The following NAXD variants were observed in gnomAD, a reference collection of about 807,000 sequenced individuals.
NAXD encodes the protein NAD(P)HX dehydratase, also known as ATP-dependent (S)-NAD(P)H-hydrate dehydratase.
In NAXD, 22 loss-of-function variants were observed where a neutral mutation model predicts 35.8. The ratio of observed to expected loss-of-function variants is 0.62; its 90% CI spans 0.44 to 0.88. The LOEUF is 0.88. Ranked by LOEUF, NAXD falls within the 40% of genes least tolerant of loss-of-function variation. The pLI is 0.00. For synonymous variants in NAXD, 189 were observed against 177.6 expected, an observed-to-expected ratio of 1.06 and a Z score of -0.51; for missense variants, 428 against 437.7, an observed-to-expected ratio of 0.98 and a Z score of 0.20.
intron 3 of NAXD, 62 bp downstream of exon 3, chr13:110,624,341 A>G: frequency 9.9e-7 from 1 of 1,009,470 alleles, no homozygotes; most frequent in Admixed American, 1.8e-5. Context: ...TTATTTAAAT[A>G]TGATTAAAGC....
chr13:110,633,256 T>C (rs424649), intron 5 of NAXD, among the ~76,000 whole-genome samples: 54,715 of 151,728 alleles, frequency 0.36, 10,676 homozygotes, highest in African/African-American at 0.51. Context: ...GTACACCCTC[T>C]GCAGCCGCTG....
intron 8 of NAXD, among the ~76,000 whole-genome samples, chr13:110,636,498 G>A (rs1477657208): frequency 6.6e-6 from 1 of 152,196 alleles, no homozygotes; most frequent in Non-Finnish European, 1.5e-5. Flanking sequence ...ACACACAGCT[G>A]TGCACAAGGA....
At position 110,638,289 on chromosome 13, in the gene NAXD, CAGG is replaced by C; in HGVS notation, c.840-86_840-84del. The C allele has an allele frequency of 8.1e-6, 13 of 1,604,120 alleles. No individual in the cohort carries two copies. Among genetic ancestry groups the C allele is most frequent in the Non-Finnish European group, 1.1e-5 (13 of 1,175,544 alleles). ...ACAATTTGGGGTCCTGAGATTGAAA[CAGG>C]AGTCAAAACCAGAGCCCAGGGTAGC... On this transcript the variant is annotated intron_variant, in intron 9 of 9. Transcript: ENST00000680254. The surrounding 1 kb of genome is among the most constrained non-coding windows in gnomAD (Gnocchi z 5.4).
chr13:110,616,700 G>A (rs1886071191), intron 1 of NAXD, among the ~76,000 whole-genome samples: 1 of 152,198 alleles, frequency 6.6e-6, no homozygotes, highest in African/African-American at 2.4e-5. Context: ...AGTAGTTCGT[G>A]TATATCTCAT....
intron 7 of NAXD, among the ~76,000 whole-genome samples, 181 bp downstream of exon 7, chr13:110,634,957 T>C (rs3742196): frequency 0.12 from 17,563 of 152,196 alleles, 1,445 homozygotes; most frequent in Admixed American, 0.26. Context: ...TGAACGATGG[T>C]GTAGTGGGCT....
chr13:110,625,015 A>G (rs1161982050), intron 3 of NAXD, among the ~76,000 whole-genome samples, 175 bp from the exon 4 acceptor site: 1 of 152,124 alleles, frequency 6.6e-6, no homozygotes, highest in Non-Finnish European at 1.5e-5. Flanking sequence ...CTTTTTAGGT[A>G]TTGTGCTCTG....
chr13:110,636,239 A>G (rs1886919372), intron 8 of NAXD, among the ~76,000 whole-genome samples: 1 of 152,248 alleles, frequency 6.6e-6, no homozygotes, highest in Non-Finnish European at 1.5e-5. Flanking sequence ...TGGGCAGCGA[A>G]TGTGCTCACC....
intron 5 of NAXD, among the ~76,000 whole-genome samples, chr13:110,633,109 C>T (rs1365753518): frequency 6.6e-6 from 1 of 152,076 alleles, no homozygotes; most frequent in African/African-American, 2.4e-5. Context: ...GCTCGGGCCG[C>T]ACAGGAGCCC....
intron 4 of NAXD, 25 bp downstream of exon 4, chr13:110,625,303 C>A: frequency 2.0e-6 from 3 of 1,520,996 alleles, no homozygotes; most frequent in Non-Finnish European, 2.7e-6. Context: ...GCCGGCTTCT[C>A]GTAGGTTCTC....
intron 3 of NAXD, 59 bp from the exon 4 acceptor site, chr13:110,625,131 G>T: frequency 7.9e-7 from 1 of 1,266,786 alleles, no homozygotes; most frequent in South Asian, 1.2e-5. Context: ...CCTGTGTCTG[G>T]CGGGTGGGCA....
chr13:110,627,566 C>CA lies in NAXD; in HGVS notation c.441+20dup. ...TGTCCAGGTAATGTGTATACTCACT[C>CA]ACTTCCCTCATGACAGGCTTAGCCT... On this transcript the variant is annotated intron_variant, in intron 5 of 9. Coordinates refer to ENST00000680254, the MANE Select transcript of NAXD (RefSeq NM_001242882.2). 4 of 1,528,648 alleles carry CA rather than the reference C, an allele frequency of 2.6e-6. No homozygotes were observed. The highest frequency in any genetic ancestry group is 3.6e-6 in the Non-Finnish European group (4 of 1,102,668). 94.7% of individuals were successfully genotyped at this position (1,528,648 alleles called of 1,614,324 possible).
intron 3 of NAXD, among the ~76,000 whole-genome samples, chr13:110,624,636 A>G (rs2139635125): frequency 6.6e-6 from 1 of 152,068 alleles, no homozygotes; most frequent in African/African-American, 2.4e-5. Flanking sequence ...TTTTGTTTGT[A>G]TTTTTAGTAG....
chr13:110,619,688 G>A (rs925953040), intron 1 of NAXD, among the ~76,000 whole-genome samples: 3 of 152,126 alleles, frequency 2.0e-5, no homozygotes, highest in Non-Finnish European at 4.4e-5. Flanking sequence ...TGTCACCACT[G>A]GGTGCGTGTA....
Position 110,638,744 on chromosome 13 carries a change from C to CA in NAXD, c.*219dup. ...TTGGAGATGTTATGGCGACACTAAA[C>CA]AAAGTATTCCTGAACTTTCCTTAGC... On this transcript the variant is annotated 3_prime_UTR_variant, in exon 10 of 10. Transcript: ENST00000680254. The surrounding 1 kb of genome is among the most constrained non-coding windows in gnomAD (Gnocchi z 5.4). 1.4e-6 allele frequency: 1 copy of CA among 701,924 alleles called. No individual in the cohort carries two copies. The highest frequency in any genetic ancestry group is 2.6e-6 in the Non-Finnish European group (1 of 386,872). The allele number at this position is 701,924 out of a possible 1,614,324, so 43.5% of individuals were successfully genotyped here.
rs1312275996 is a variant in NAXD at position 110,628,262 on chromosome 13, T to C, written c.441+715T>C. ...GTTGTGCTCCTGTGGGGCTGCCCTC[T>C]GAGACCCTTTCTCAAGTTCCGGGGG... is the stretch of plus-strand genomic sequence containing the variant. On this transcript the variant is annotated intron_variant, in intron 5 of 9. Coordinates refer to ENST00000680254, the MANE Select transcript of NAXD (RefSeq NM_001242882.2). The surrounding 1 kb of genome is among the most constrained non-coding windows in gnomAD (Gnocchi z 4.1). 6.6e-6 allele frequency among the ~76,000 whole-genome samples: 1 copy of C among 152,206 alleles called. No homozygotes were observed. The highest frequency in any genetic ancestry group is 1.9e-4 in the East Asian group (1 of 5,192).
intron 3 of NAXD, among the ~76,000 whole-genome samples, chr13:110,624,877 G>T (rs1038439013): frequency 6.6e-6 from 1 of 152,246 alleles, no homozygotes; most frequent in Admixed American, 6.5e-5. Context: ...AGTTTCCCAT[G>T]AGCTGAGCAA....
chr13:110,626,713 C>A (rs566123851), intron 4 of NAXD, among the ~76,000 whole-genome samples: 1 of 152,222 alleles, frequency 6.6e-6, no homozygotes, highest in East Asian at 1.9e-4. Context: ...GGAGATGAGG[C>A]CTGAGAACAG....
rs772565007 is a variant in NAXD, at chr13:110,634,712, A to G, written c.533A>G (p.His178Arg). The G allele has an allele frequency of 1.9e-6, 3 of 1,614,112 alleles. No individual in the cohort carries two copies. Among genetic ancestry groups the G allele is most frequent in the African/African-American group, 2.7e-5 (2 of 75,024 alleles). Residue 178 changes from histidine (H) to arginine (R), a missense_variant, in exon 7 of 10, where the codon CAT becomes CGT. By Grantham distance (29) the His-to-Arg change is conservative (BLOSUM62 0). This residue lies in a region of NAXD where 209 missense variants were observed against 214.6 expected (regional missense o/e 0.97). Transcript: ENST00000680254. ...WLVAQQPALI[H>R]GYRKAVLTPN... Reference sequence around the variant, plus strand: ...GTCGCTCAGCAGCCGGCCCTCATCCATGGCTACCGGAAGGCTGTGCTCACT... The same window carrying G: ...GTCGCTCAGCAGCCGGCCCTCATCCGTGGCTACCGGAAGGCTGTGCTCACT...
At position 110,635,653 on chromosome 13, in the gene NAXD, A is replaced by G. The variant is rs1886897973; in HGVS notation, c.718+65A>G. 6.3e-6 allele frequency: 10 copies of G among 1,587,428 alleles called. No individual in the cohort carries two copies. The East Asian group carries it at 6.7e-5, about 11-fold the overall frequency. On this transcript the variant is annotated intron_variant, in intron 8 of 9. Transcript: ENST00000680254. ...GTCAGTCAGCATGGCCACACCGAGCATGAGCCCTGGAAGACCTCTCCCGTG... is the reference window on the plus strand; with the variant it reads ...GTCAGTCAGCATGGCCACACCGAGCGTGAGCCCTGGAAGACCTCTCCCGTG...
Sources: gnomAD v4.1 joint callset for allele counts (sites outside exome capture counted in the v4.1 genomes callset) on GRCh38, gnomAD v4.1.1 for gene constraint, gnomAD v4.1.1 regional missense constraint, Gnocchi (gnomAD v3.1) non-coding constraint, MANE v1.5 for transcripts, NCBI Gene and HGNC (gene_info 2026-07-23, HGNC 2026-07-21) for gene names.